ATG4A: variants seen among roughly 807,000 people sequenced by gnomAD.
The protein encoded by ATG4A is autophagy related 4A cysteine peptidase.
In ATG4A, 22 loss-of-function variants were observed where a neutral mutation model predicts 38.4. The ratio of observed to expected loss-of-function variants is 0.57; its 90% CI spans 0.41 to 0.82. The LOEUF (loss-of-function observed/expected upper bound fraction) is 0.82. ATG4A is among the 40% of genes least tolerant of loss of function. The pLI is 0.00. For synonymous variants in ATG4A, 86 were observed against 100.7 expected (o/e 0.85, Z 0.88); for missense variants, 220 against 290.0 (o/e 0.76, Z 1.75).
Position 108,126,115 on chromosome X carries a change from G to A in ATG4A, c.49G>A (p.Asp17Asn). 8.3e-7 allele frequency: 1 copy of A among 1,205,851 alleles called. No individual in the cohort carries two copies. Among genetic ancestry groups the A allele is most frequent in the African/African-American group, 1.7e-5 (1 of 57,532 alleles). Residue 17 changes from aspartate (D) to asparagine (N), a missense_variant, in exon 2 of 13, where the codon GAC becomes AAC. Asp to Asn is a conservative substitution (Grantham distance 23, BLOSUM62 1). Around this residue, in one of 3 missense-constraint regions of ATG4A, gnomAD observed 61 missense variants for 83.3 expected, o/e 0.73. Transcript: ENST00000372232. ...TGAAGATCAGATTACTATTTTCACT[G>A]ACTACCTAGAAGAATATCCAGATAC... Reference protein sequence around the residue: ...KYEDQITIFTDYLEEYPDTDE... With the variant: ...KYEDQITIFTNYLEEYPDTDE...
chrX:108,142,644 G>A (rs756531484), intron 9 of ATG4A, among the ~76,000 whole-genome samples: 136 of 110,674 alleles, frequency 1.2e-3, no homozygotes, highest in African/African-American at 4.4e-3. Flanking sequence ...TGAAGAACTT[G>A]GAGTCTGATG....
In ATG4A at chrX:108,126,203, A is replaced by G. The variant is rs752173200; in HGVS notation, c.121+16A>G. ...CTTAAAACAGGTAAGATTTGGTAGC[A>G]TTTGTCTGTAAGAACCCAGATGAGG... is the stretch of plus-strand genomic sequence containing the variant. On this transcript the variant is annotated intron_variant, in intron 2 of 12. Coordinates refer to ENST00000372232, the MANE Select transcript of ATG4A (RefSeq NM_052936.5). 4.4e-6 allele frequency: 5 copies of G among 1,145,642 alleles called. No homozygotes were observed. In the African/African-American group the frequency reaches 7.2e-5, roughly 16 times the overall value. 94.4% of individuals were successfully genotyped at this position (1,145,642 alleles called of 1,213,427 possible).
intron 1 of ATG4A, among the ~76,000 whole-genome samples, chrX:108,092,196 A>AGGGTGATGCCAAAGGCAGG (rs2031653644): frequency 1.8e-5 from 2 of 111,587 alleles, no homozygotes; most frequent in East Asian, 5.6e-4. Context: ...GTGATGTGCC[A>AGGGTGATGCCAAAGGCAGG]GGGTGATGCC....
intron 2 of ATG4A, 50 bp from the exon 3 acceptor site, chrX:108,128,730 TG>T: frequency 1.2e-6 from 1 of 845,808 alleles, no homozygotes; most frequent in Non-Finnish European, 1.7e-6. Context: ...GAAGTAAAGG[TG>T]GGTATTTTTA....
chrX:108,135,975 A>C (rs1236722579), intron 6 of ATG4A, among the ~76,000 whole-genome samples: 1 of 109,323 alleles, frequency 9.1e-6, no homozygotes, highest in Non-Finnish European at 1.9e-5. Context: ...GTAGAGATGG[A>C]GTTTCACCAT....
intron 1 of ATG4A, among the ~76,000 whole-genome samples, chrX:108,102,793 T>C (rs1176736504): frequency 3.6e-5 from 4 of 110,941 alleles, no homozygotes; most frequent in Non-Finnish European, 5.7e-5. Flanking sequence ...TTTTTTTTTT[T>C]CTTGCGGGGG....
At chrX:108,091,512 C>T (rs749763253), upstream of ATG4A, 26 of 1,209,680 alleles carry the variant, frequency 2.1e-5, no homozygotes. Context: ...TAGACACACA[C>T]CCCTCCATTT....
intron 1 of ATG4A, among the ~76,000 whole-genome samples, chrX:108,099,198 G>A (rs755078882): frequency 1.5e-3 from 168 of 111,282 alleles, no homozygotes; most frequent in African/African-American, 5.3e-3. Flanking sequence ...TGTGATAAGT[G>A]TGTAGTGATA....
chrX:108,099,895 T>G (rs147114644), intron 1 of ATG4A, among the ~76,000 whole-genome samples: 388 of 111,912 alleles, frequency 3.5e-3, no homozygotes, highest in African/African-American at 0.012. Flanking sequence ...ATCTTAAAAT[T>G]TGATAGAGTG....
intron 9 of ATG4A, among the ~76,000 whole-genome samples, chrX:108,147,719 T>C (rs905214271): frequency 1.8e-5 from 2 of 110,905 alleles, no homozygotes; most frequent in East Asian, 5.7e-4. Flanking sequence ...CCACGTATGG[T>C]CAATTGTATT....
intron 1 of ATG4A, among the ~76,000 whole-genome samples, chrX:108,102,031 A>G (rs181271388): frequency 2.7e-5 from 3 of 111,522 alleles, no homozygotes; most frequent in Non-Finnish European, 5.7e-5. Flanking sequence ...CAATGAACAT[A>G]GGAGTACAAA....
chrX:108,111,422 T>C, intron 1 of ATG4A, among the ~76,000 whole-genome samples: 1 of 112,207 alleles, frequency 8.9e-6, no homozygotes, highest in Non-Finnish European at 1.9e-5. Flanking sequence ...TGCAATAGAA[T>C]GGGACCAGAG....
intron 1 of ATG4A, among the ~76,000 whole-genome samples, chrX:108,124,613 A>ACCTG (rs2032751145): frequency 1.8e-5 from 2 of 110,547 alleles, no homozygotes; most frequent in Admixed American, 1.9e-4. Flanking sequence ...CACCATGCCC[A>ACCTG]GCTAATTTTT....
intron 9 of ATG4A, among the ~76,000 whole-genome samples, chrX:108,145,531 A>G (rs1414964776): frequency 3.6e-5 from 4 of 112,549 alleles, no homozygotes; most frequent in South Asian, 3.7e-4. Flanking sequence ...TAAGCTTACA[A>G]TAATCCACTG....
chrX:108,120,692 T>G (rs183065579), intron 1 of ATG4A, among the ~76,000 whole-genome samples: 1 of 112,073 alleles, frequency 8.9e-6, no homozygotes, highest in East Asian at 2.8e-4. Flanking sequence ...ATGGCCTGAT[T>G]AATTTTTCTA....
Position 108,134,266 on chromosome X carries a change from C to CA in ATG4A, c.395-67dup, listed in dbSNP as rs1334495493. The CA allele has an allele frequency of 6.6e-5, 76 of 1,156,000 alleles. No individual in the cohort carries two copies. In the African/African-American group the frequency reaches 1.1e-3, roughly 16 times the overall value. On this transcript the variant is annotated intron_variant, in intron 5 of 12. Coordinates refer to ENST00000372232, the MANE Select transcript of ATG4A (RefSeq NM_052936.5). ...TTGTCCATCTGCTTAATTATTTATG[C>CA]AAAAAATTAAGATTTTGTGGCTTAT...
At chrX:108,153,294 T>C (rs187065461) in intron 12 of ATG4A, among the ~76,000 whole-genome samples, 2 of 112,490 alleles carry the variant, frequency 1.8e-5, no homozygotes. Context: ...GAAAATGAGC[T>C]CATTGCAAAA....
intron 8 of ATG4A, 55 bp downstream of exon 8, chrX:108,138,046 C>T: frequency 8.4e-7 from 1 of 1,197,165 alleles, no homozygotes; most frequent in East Asian, 3.0e-5. Context: ...ACCGCCATCT[C>T]AGCACAGAGA....
chrX:108,127,372 A>G (rs1425297372), intron 2 of ATG4A, among the ~76,000 whole-genome samples: 2 of 112,406 alleles, frequency 1.8e-5, no homozygotes, highest in African/African-American at 6.5e-5. Flanking sequence ...CGAGCACATA[A>G]CAGCTAACAT....
Sources: allele counts gnomAD v4.1 joint callset (sites outside exome capture counted in the v4.1 genomes callset), GRCh38; gene constraint gnomAD v4.1.1; regional missense constraint gnomAD v4.1.1; transcripts MANE v1.5; gene names NCBI Gene and HGNC (gene_info 2026-07-23, HGNC 2026-07-21).